Variants in PLS1 observed in about 807,000 individuals in gnomAD.
PLS1 encodes plastin 1.
A neutral mutation model predicts 73.7 loss-of-function variants in PLS1; 32 were observed. The ratio of observed to expected loss-of-function variants is 0.43; its 90% CI spans 0.33 to 0.58. PLS1 has a LOEUF of 0.58. Among genes scored for constraint, PLS1 ranks in the 20% least tolerant of loss-of-function variants. PLS1 has a pLI of 0.04. For missense variants in PLS1, 633 were observed against 740.5 expected (o/e 0.85, Z 1.68); for synonymous variants, 217 against 261.3 (o/e 0.83, Z 1.63).
At chr3:142,637,994 G>T (rs971503740) in intron 1 of PLS1, among the ~76,000 whole-genome samples, 1 of 152,130 alleles carries the variant, frequency 6.6e-6, no homozygotes, top group Non-Finnish European at 1.5e-5. Context: ...CATCGGAAAA[G>T]GTGATAGTTG....
At chr3:142,652,792 CTTGT>C (rs746130446) in intron 1 of PLS1, among the ~76,000 whole-genome samples, 2 of 152,152 alleles carry the variant, frequency 1.3e-5, no homozygotes, top group Non-Finnish European at 2.9e-5. Context: ...TGTTTGTTTG[CTTGT>C]TTGTTTTTGG....
intron 1 of PLS1, among the ~76,000 whole-genome samples, chr3:142,601,010 G>A (rs1451922162): frequency 3.8e-5 from 5 of 132,370 alleles, no homozygotes; most frequent in Admixed American, 2.4e-4. Flanking sequence ...TGCAAGCTCC[G>A]CCTCCCGGGT....
chr3:142,634,947 T>G (rs1173966243), intron 1 of PLS1, among the ~76,000 whole-genome samples: 3 of 151,856 alleles, frequency 2.0e-5, no homozygotes, highest in Non-Finnish European at 2.9e-5. Flanking sequence ...TAGAGACAGT[T>G]TCTCACTCTG....
At chr3:142,613,708 G>A (rs760099391) in intron 1 of PLS1, among the ~76,000 whole-genome samples, 1 of 152,144 alleles carries the variant, frequency 6.6e-6, no homozygotes, top group Non-Finnish European at 1.5e-5. Flanking sequence ...TCATAGGATG[G>A]CATAGTAGTA....
intron 1 of PLS1, among the ~76,000 whole-genome samples, chr3:142,641,103 T>C (rs1025326286): frequency 2.0e-5 from 3 of 149,530 alleles, no homozygotes; most frequent in African/African-American, 7.4e-5. Flanking sequence ...GAAGTTGCAA[T>C]GAGCTAATGA....
intron 1 of PLS1, among the ~76,000 whole-genome samples, chr3:142,599,502 T>A (rs929973154): frequency 1.3e-5 from 2 of 149,856 alleles, no homozygotes; most frequent in Non-Finnish European, 1.5e-5. Context: ...GCTAATTTTT[T>A]GTATTTTTAG....
chr3:142,694,997 T>C (rs2038164064), intron 11 of PLS1, among the ~76,000 whole-genome samples: 1 of 152,194 alleles, frequency 6.6e-6, no homozygotes, highest in East Asian at 1.9e-4. Flanking sequence ...TATCTCATTC[T>C]TTCTTGTTTA....
chr3:142,675,151 C>A (rs1370781881), intron 4 of PLS1, among the ~76,000 whole-genome samples: 2 of 152,064 alleles, frequency 1.3e-5, no homozygotes, highest in Non-Finnish European at 2.9e-5. Flanking sequence ...CTCTCTAAAC[C>A]TTTTGGGGAG....
chr3:142,629,256 G>A (rs1309286385), intron 1 of PLS1, among the ~76,000 whole-genome samples: 2 of 151,694 alleles, frequency 1.3e-5, no homozygotes, highest in East Asian at 3.9e-4. Context: ...GAGTGCAATG[G>A]CGCGATCTTG....
chr3:142,619,654 C>A (rs1389460790), intron 1 of PLS1: 2 of 152,138 alleles, frequency 1.3e-5, no homozygotes. Context: ...TACTTTGTAA[C>A]TACTTAGTGA....
chr3:142,668,947 G>T (rs988059711), intron 2 of PLS1, among the ~76,000 whole-genome samples: 5 of 151,938 alleles, frequency 3.3e-5, no homozygotes, highest in Non-Finnish European at 7.4e-5. Flanking sequence ...GCTAAAACTG[G>T]GTTTTCTATC....
intron 1 of PLS1, among the ~76,000 whole-genome samples, chr3:142,649,307 G>C (rs776645089): frequency 7.1e-6 from 1 of 140,970 alleles, no homozygotes; most frequent in Non-Finnish European, 1.5e-5. Context: ...CTGCACTCCA[G>C]TTTGGGTAAC....
intron 1 of PLS1, among the ~76,000 whole-genome samples, chr3:142,630,567 A>G (rs1392097271): frequency 1.3e-5 from 2 of 152,050 alleles, no homozygotes. Context: ...CCTGGCCAAC[A>G]TGGTGAAACT....
At chr3:142,692,946 G>T (rs1242537197) in intron 10 of PLS1, among the ~76,000 whole-genome samples, 1 of 151,874 alleles carries the variant, frequency 6.6e-6, no homozygotes, top group African/African-American at 2.4e-5. Context: ...GTCACTTTGG[G>T]GATAGTTCAT....
intron 1 of PLS1, among the ~76,000 whole-genome samples, chr3:142,622,733 C>T (rs1357153022): frequency 6.6e-6 from 1 of 152,166 alleles, no homozygotes; most frequent in Non-Finnish European, 1.5e-5. Context: ...ACCCGTGGGG[C>T]ATCTTCTGGT....
intron 1 of PLS1, among the ~76,000 whole-genome samples, chr3:142,642,560 C>T (rs1355394578): frequency 2.0e-5 from 3 of 152,126 alleles, no homozygotes; most frequent in African/African-American, 7.2e-5. Context: ...AGTTTTCACC[C>T]CATCAGTGTG....
intron 1 of PLS1, among the ~76,000 whole-genome samples, chr3:142,643,508 C>T (rs1318265710): frequency 6.6e-6 from 1 of 152,082 alleles, no homozygotes; most frequent in African/African-American, 2.4e-5. Context: ...GGAGAAAGGT[C>T]GAGCAGAAAT....
chr3:142,664,662 TAAC>T (rs2037439031), intron 2 of PLS1, among the ~76,000 whole-genome samples: 1 of 152,226 alleles, frequency 6.6e-6, no homozygotes, highest in African/African-American at 2.4e-5. Flanking sequence ...ATCTTTGCAC[TAAC>T]AATAACACTT....
intron 9 of PLS1, among the ~76,000 whole-genome samples, chr3:142,686,939 T>A (rs1040965173): frequency 1.3e-5 from 2 of 152,250 alleles, no homozygotes; most frequent in Non-Finnish European, 2.9e-5. Flanking sequence ...AGCAACAACC[T>A]GTTGTTAGAT....
Sources: gnomAD v4.1 joint callset for allele counts (sites outside exome capture counted in the v4.1 genomes callset) on GRCh38, gnomAD v4.1.1 for gene constraint, MANE v1.5 for transcripts, NCBI Gene and HGNC (gene_info 2026-07-23, HGNC 2026-07-21) for gene names.